BANP: variants seen among roughly 807,000 people sequenced by gnomAD.
The protein encoded by BANP is BTG3 associated nuclear protein, also known as protein BANP.
BANP carries 11 observed loss-of-function variants against 68.1 expected under a neutral mutation model. The observed-to-expected ratio is 0.16, with a 90% CI of 0.10 to 0.27. The LOEUF is 0.27. BANP is among the 10% of genes least tolerant of loss of function. BANP has a pLI of 1.00. For missense variants in BANP, 504 were observed against 722.7 expected, an observed-to-expected ratio of 0.70 and a Z score of 3.47; for synonymous variants, 329 against 303.2, an observed-to-expected ratio of 1.09 and a Z score of -0.88.
chr16:88,066,067 CGG>C (rs2152895752), intron 12 of BANP, among the ~76,000 whole-genome samples: 1 of 152,328 alleles, frequency 6.6e-6, no homozygotes, highest in South Asian at 2.1e-4. Context: ...CCCACTACTG[CGG>C]CAGGTGCAGG....
rs2079497808 is a variant in BANP at position 88,036,881 on chromosome 16, G to T, written c.1273-1092G>T. Among the ~76,000 whole-genome samples, 1 of 152,164 alleles carries T rather than the reference G, an allele frequency of 6.6e-6. No homozygotes were observed. On this transcript the variant is annotated intron_variant, in intron 10 of 13. Coordinates refer to ENST00000682872, the MANE Select transcript of BANP (RefSeq NM_001386991.1). This position sits in a 1 kb window ranked among gnomAD's most constrained non-coding sequence, Gnocchi z 4.2. ...CATCTCCTTGGAGATGTCAGGAGAT[G>T]CGCCTGTCAGCTCAGCGAGGTCAGG...
At position 87,962,431 on chromosome 16, in the gene BANP, G is replaced by A. The variant is rs2059358554; in HGVS notation, c.-69+10916G>A. ...TCTAATTTCAAATATGGTAAATATCGATAGGTAGAATCTGTACAGGTGCAA... is the reference window on the plus strand; with the variant it reads ...TCTAATTTCAAATATGGTAAATATCAATAGGTAGAATCTGTACAGGTGCAA... On this transcript the variant is annotated intron_variant, in intron 1 of 13. Coordinates refer to ENST00000682872, the MANE Select transcript of BANP (RefSeq NM_001386991.1). 2.0e-5 allele frequency among the ~76,000 whole-genome samples: 3 copies of A among 151,874 alleles called. No individual in the cohort carries two copies. The South Asian group carries it at 6.2e-4, about 31-fold the overall frequency.
chr16:88,035,614 C>T (rs113969819), intron 10 of BANP, among the ~76,000 whole-genome samples: 58 of 152,332 alleles, frequency 3.8e-4, no homozygotes, highest in Middle Eastern at 3.4e-3. Context: ...AGCTTCTGGT[C>T]TGTCTTGGTA....
rs2058234279 is a variant in BANP at position 87,957,185 on chromosome 16, G to A, written c.-69+5670G>A. ...ACTCCACGACTCGCTGCTCCCATGGGAGGTGTCTCTCTGGGGAAGGGGTCA... is the reference window on the plus strand; with the variant it reads ...ACTCCACGACTCGCTGCTCCCATGGAAGGTGTCTCTCTGGGGAAGGGGTCA... On this transcript the variant is annotated intron_variant, in intron 1 of 13. Coordinates refer to ENST00000682872, the MANE Select transcript of BANP (RefSeq NM_001386991.1). The surrounding 1 kb of genome is among the most constrained non-coding windows in gnomAD (Gnocchi z 4.3). 1 of 152,246 alleles carries A rather than the reference G, an allele frequency of 6.6e-6. No individual in the cohort carries two copies. Among genetic ancestry groups the A allele is most frequent in the Admixed American group, 6.5e-5 (1 of 15,274 alleles). The allele number at this position is 152,246 out of a possible 1,614,324, so 9.4% of individuals were successfully genotyped here.
intron 4 of BANP, among the ~76,000 whole-genome samples, chr16:87,985,301 G>A (rs1307772534): frequency 6.6e-6 from 1 of 152,236 alleles, no homozygotes; most frequent in Non-Finnish European, 1.5e-5. Context: ...GCTGCTGGTG[G>A]TGGAGTTGGC....
At chr16:87,996,626 C>G (rs542252549) in intron 4 of BANP, among the ~76,000 whole-genome samples, 54 of 150,882 alleles carry the variant, frequency 3.6e-4, no homozygotes, top group African/African-American at 1.2e-3. Context: ...CTGAGTGTTG[C>G]TGGGCCCTCG....
Position 88,004,231 on chromosome 16 carries a change from G to A in BANP, c.363-64G>A. 1.0e-6 allele frequency: 1 copy of A among 984,724 alleles called. No homozygotes were observed. The highest frequency in any genetic ancestry group is 1.6e-6 in the Non-Finnish European group (1 of 636,668). 61.0% of individuals were successfully genotyped at this position (984,724 alleles called of 1,614,324 possible). A position where few individuals can be genotyped will look rare whatever the true frequency, so the allele number is the denominator to read the frequency against. ...GGACTGTGTTGAATGACTCTTATGT[G>A]CTCTTACCATGAATGTTGTTGTTTT... is the stretch of plus-strand genomic sequence containing the variant. On this transcript the variant is annotated intron_variant, in intron 4 of 13. Transcript: ENST00000682872. This position sits in a 1 kb window ranked among gnomAD's most constrained non-coding sequence, Gnocchi z 7.0.
At chr16:87,962,775 T>C (rs1371816408) in intron 1 of BANP, among the ~76,000 whole-genome samples, 2 of 152,230 alleles carry the variant, frequency 1.3e-5, no homozygotes, top group Non-Finnish European at 2.9e-5. Flanking sequence ...ATTTCCCGCC[T>C]ATCTAGCATC....
intron 1 of BANP, among the ~76,000 whole-genome samples, chr16:87,974,437 A>T (rs918410593): frequency 6.6e-6 from 1 of 152,176 alleles, no homozygotes; most frequent in African/African-American, 2.4e-5. Flanking sequence ...TGGTGGCAGG[A>T]TGCTGCTCGG....
intron 2 of BANP, among the ~76,000 whole-genome samples, chr16:87,975,674 G>A (rs1453534230): frequency 7.9e-5 from 12 of 151,606 alleles, no homozygotes; most frequent in African/African-American, 2.2e-4. Context: ...TGTGTGTGGC[G>A]TCATGGAACC....
chr16:87,996,315 C>T (rs1050187194), intron 4 of BANP, among the ~76,000 whole-genome samples: 1 of 152,246 alleles, frequency 6.6e-6, no homozygotes, highest in Non-Finnish European at 1.5e-5. Context: ...GCTTCCGATG[C>T]TAACCTCTGC....
intron 13 of BANP, among the ~76,000 whole-genome samples, chr16:88,073,399 C>A (rs1023935461): frequency 6.6e-6 from 1 of 151,896 alleles, no homozygotes; most frequent in Admixed American, 6.6e-5. Context: ...CCTGCAGAGG[C>A]ACGCCCTGTA....
rs1222077174 is a variant in BANP at position 88,071,531 on chromosome 16, CTCACTT to C, written c.1378-535_1378-530del. On this transcript the variant is annotated intron_variant, in intron 12 of 13. Transcript: ENST00000682872. This position sits in a 1 kb window ranked among gnomAD's most constrained non-coding sequence, Gnocchi z 6.5. ...ACTTCCGCCCATCTTGGAACTGGGC[CTCACTT>C]TCCTGCGAGCTTCTGCTGGGTTCTC... 1 of 456,446 alleles carries C rather than the reference CTCACTT, an allele frequency of 2.2e-6. No individual in the cohort carries two copies. Among genetic ancestry groups the C allele is most frequent in the Non-Finnish European group, 4.4e-6 (1 of 226,948 alleles). The allele number at this position is 456,446 out of a possible 1,614,324, so 28.3% of individuals were successfully genotyped here. A position where few individuals can be genotyped will look rare whatever the true frequency, so the allele number is the denominator to read the frequency against.
chr16:88,064,101 A>T lies in BANP; in HGVS notation c.1312-1166A>T, dbSNP rs1388774563. Among the ~76,000 whole-genome samples, 2 of 151,786 alleles carry T rather than the reference A, an allele frequency of 1.3e-5. No individual in the cohort carries two copies. The highest frequency in any genetic ancestry group is 1.3e-4 in the Admixed American group (2 of 15,246). On this transcript the variant is annotated intron_variant, in intron 11 of 13. Coordinates refer to ENST00000682872, the MANE Select transcript of BANP (RefSeq NM_001386991.1). The surrounding 1 kb of genome is among the most constrained non-coding windows in gnomAD (Gnocchi z 4.5). ...GAACAAGGTGTGGGGGCCAACCACA[A>T]GCAGGCACCGGCGCTGGGGGACCAG... is the stretch of plus-strand genomic sequence containing the variant.
At chr16:88,068,448 C>G (rs1274693670) in intron 12 of BANP, among the ~76,000 whole-genome samples, 1 of 152,210 alleles carries the variant, frequency 6.6e-6, no homozygotes, top group Non-Finnish European at 1.5e-5. Context: ...TTGAGAAACG[C>G]TGGTTCAGGC....
At position 88,064,486 on chromosome 16, in the gene BANP, C is replaced by G. The variant is rs1443879679; in HGVS notation, c.1312-781C>G. Among the ~76,000 whole-genome samples, 1 of 152,224 alleles carries G rather than the reference C, an allele frequency of 6.6e-6. No homozygotes were observed. The highest frequency in any genetic ancestry group is 1.5e-5 in the Non-Finnish European group (1 of 68,042). ...GGCCTTGAATGAGCAAAACAACCCA[C>G]CTGCCTCCCACGGACAGATGCTCCC... is the stretch of plus-strand genomic sequence containing the variant. On this transcript the variant is annotated intron_variant, in intron 11 of 13. Coordinates refer to ENST00000682872, the MANE Select transcript of BANP (RefSeq NM_001386991.1). The surrounding 1 kb of genome is among the most constrained non-coding windows in gnomAD (Gnocchi z 4.5).
chr16:88,076,865 T>TTGGTGTCGTTGTTG lies in BANP; in HGVS notation c.*204_*205insTGGTGTCGTTGTTG, dbSNP rs2091703870. On this transcript the variant is annotated 3_prime_UTR_variant, in exon 14 of 14. Transcript: ENST00000682872. ...CCCCCAGCCGGAGACCCCTTTCGTT[T>TTGGTGTCGTTGTTG]GAGTCCTGCTGTTGGTGTCGGAGCA... The TTGGTGTCGTTGTTG allele has an allele frequency of 1.8e-6, 1 of 563,876 alleles. No homozygotes were observed. The highest frequency in any genetic ancestry group is 3.0e-5 in the East Asian group (1 of 33,498). The allele number at this position is 563,876 out of a possible 1,614,324, so 34.9% of individuals were successfully genotyped here.
At position 88,071,033 on chromosome 16, in the gene BANP, C is replaced by T. The variant is rs1388821136; in HGVS notation, c.1378-1036C>T. On this transcript the variant is annotated intron_variant, in intron 12 of 13. Transcript: ENST00000682872. This position sits in a 1 kb window ranked among gnomAD's most constrained non-coding sequence, Gnocchi z 6.5. Reference sequence around the variant, plus strand: ...CGGCGCTGTCTCTGCAGTGTGTTTGCGGGGGCCAAGTTTGCTCTGTGCAGT... The same window carrying T: ...CGGCGCTGTCTCTGCAGTGTGTTTGTGGGGGCCAAGTTTGCTCTGTGCAGT... 6.1e-6 allele frequency: 1 copy of T among 165,060 alleles called. No homozygotes were observed. The highest frequency in any genetic ancestry group is 1.7e-4 in the South Asian group (1 of 6,020). The allele number at this position is 165,060 out of a possible 1,614,324, so 10.2% of individuals were successfully genotyped here. A position where few individuals can be genotyped will look rare whatever the true frequency, so the allele number is the denominator to read the frequency against.
Position 87,984,070 on chromosome 16 carries a change from A to T in BANP, c.173A>T (p.Tyr58Phe), listed in dbSNP as rs1166679361. The T allele has an allele frequency of 6.2e-7, 1 of 1,613,988 alleles. No homozygotes were observed. The highest frequency in any genetic ancestry group is 2.2e-5 in the East Asian group (1 of 44,888). Residue 58 changes from tyrosine (Y) to phenylalanine (F), a missense_variant, in exon 4 of 14, where the codon TAT becomes TTT. Around this residue, in one of 3 missense-constraint regions of BANP, gnomAD observed 238 missense variants for 278.9 expected, o/e 0.85. Coordinates refer to ENST00000682872, the MANE Select transcript of BANP (RefSeq NM_001386991.1). ...TTTTTTCACTTCCAGTCATTCCTGTATTCCATCAACCAGACAATCTGCTTG... is the reference window on the plus strand; with the variant it reads ...TTTTTTCACTTCCAGTCATTCCTGTTTTCCATCAACCAGACAATCTGCTTG... ...CQDPSIKSFL[Y>F]SINQTICLRL...
Sources: allele counts gnomAD v4.1 joint callset (sites outside exome capture counted in the v4.1 genomes callset), GRCh38; gene constraint gnomAD v4.1.1; regional missense constraint gnomAD v4.1.1; non-coding constraint Gnocchi (gnomAD v3.1); transcripts MANE v1.5; gene names NCBI Gene and HGNC (gene_info 2026-07-23, HGNC 2026-07-21).